MYT1: variants seen among roughly 807,000 people sequenced by gnomAD.
MYT1 encodes the protein myelin transcription factor I.
A neutral mutation model predicts 123.0 loss-of-function variants in MYT1; 23 were observed. That is an observed-to-expected ratio of 0.19 (90% CI 0.13 to 0.26). The LOEUF (loss-of-function observed/expected upper bound fraction) is 0.26, where lower values mean the gene tolerates loss of function less well. Ranked by LOEUF, MYT1 falls within the 10% of genes least tolerant of loss-of-function variation. The probability of loss-of-function intolerance (pLI) is 1.00; values close to 1 mark genes in which losing one functional copy is unlikely to be tolerated. For missense variants in MYT1, 1,125 were observed against 1,472.5 expected (o/e 0.76, Z 3.86); for synonymous variants, 518 against 575.3 (o/e 0.90, Z 1.43).
intron 19 of MYT1, 147 bp from the exon 20 acceptor site, chr20:64,236,408 C>T (rs1984546730): frequency 3.0e-6 from 2 of 656,816 alleles, no homozygotes; most frequent in Admixed American, 2.2e-5. Context: ...CCTGGGCTGG[C>T]CGTGGTGGGT....
intron 18 of MYT1, among the ~76,000 whole-genome samples, chr20:64,229,326 G>A (rs1984259430): frequency 6.6e-6 from 1 of 152,188 alleles, no homozygotes; most frequent in Non-Finnish European, 1.5e-5. Context: ...GGATCCTGCT[G>A]GCAGGGATAT....
intron 1 of MYT1, among the ~76,000 whole-genome samples, chr20:64,170,490 G>T (rs919386698): frequency 6.6e-6 from 1 of 152,078 alleles, no homozygotes; most frequent in African/African-American, 2.4e-5. Context: ...GGACACTTGT[G>T]TTGGGAAGAA....
In MYT1 at chr20:64,196,540, C is replaced by T. The variant is rs1356525484; in HGVS notation, c.1-2322C>T. On this transcript the variant is annotated intron_variant, in intron 2 of 22. Coordinates refer to ENST00000328439, the MANE Select transcript of MYT1 (RefSeq NM_004535.3). The surrounding 1 kb of genome is among the most constrained non-coding windows in gnomAD (Gnocchi z 4.3). ...AACCAGTGTCCCAAGTCACCCAGCT[C>T]TTACGGGTTCATTCTCGTATTAAAG... Among the ~76,000 whole-genome samples the T allele has an allele frequency of 1.3e-5, 2 of 152,246 alleles. No individual in the cohort carries two copies. Among genetic ancestry groups the T allele is most frequent in the African/African-American group, 4.8e-5 (2 of 41,454 alleles).
chr20:64,219,230 C>A lies in MYT1; in HGVS notation c.1971+195C>A, dbSNP rs556994199. Among the ~76,000 whole-genome samples, 3 of 152,356 alleles carry A rather than the reference C, an allele frequency of 2.0e-5. No homozygotes were observed. In the South Asian group the frequency reaches 6.2e-4, roughly 32 times the overall value. On this transcript the variant is annotated intron_variant, in intron 12 of 22. Coordinates refer to ENST00000328439, the MANE Select transcript of MYT1 (RefSeq NM_004535.3). Reference sequence around the variant, plus strand: ...GCTTGGATGGGTCCACCAGGAGAACCTGGTGTGCTGAGTGAAGGGGGACCA... The same window carrying A: ...GCTTGGATGGGTCCACCAGGAGAACATGGTGTGCTGAGTGAAGGGGGACCA...
intron 13 of MYT1, among the ~76,000 whole-genome samples, 163 bp from the exon 14 acceptor site, chr20:64,221,730 G>T (rs534029802): frequency 9.2e-5 from 14 of 152,302 alleles, no homozygotes; most frequent in African/African-American, 2.6e-4. Flanking sequence ...TCTGTGTTTT[G>T]CTGGGGGGAG....
At chr20:64,205,429 G>T in intron 5 of MYT1, 124 bp from the exon 6 acceptor site, 1 of 1,435,582 alleles carries the variant, frequency 7.0e-7, no homozygotes, top group Non-Finnish European at 9.4e-7. Flanking sequence ...CGGGTTCCCT[G>T]CAAGGACTGG....
intron 6 of MYT1, among the ~76,000 whole-genome samples, chr20:64,206,762 C>T (rs1983497401): frequency 6.6e-6 from 1 of 152,210 alleles, no homozygotes; most frequent in South Asian, 2.1e-4. Context: ...GTCTGGGGTT[C>T]AGCTGTCAAC....
intron 1 of MYT1, among the ~76,000 whole-genome samples, chr20:64,181,898 C>T (rs908161407): frequency 1.2e-4 from 18 of 152,192 alleles, no homozygotes; most frequent in African/African-American, 4.3e-4. Context: ...GCCTTACCTT[C>T]CTATGTCTGG....
rs565129907 is a variant in MYT1 at position 64,216,036 on chromosome 20, T to C, written c.1632-1031T>C. Among the ~76,000 whole-genome samples, 7 of 152,294 alleles carry C rather than the reference T, an allele frequency of 4.6e-5. No individual in the cohort carries two copies. The East Asian group carries it at 1.3e-3, about 29-fold the overall frequency. On this transcript the variant is annotated intron_variant, in intron 10 of 22. Coordinates refer to ENST00000328439, the MANE Select transcript of MYT1 (RefSeq NM_004535.3). ...ACACCCACGTCCTGGTAGTGTTCAG[T>C]TCTTCCAGGCCCATCAGAGCTGGCC... is the stretch of plus-strand genomic sequence containing the variant.
At chr20:64,209,040 C>T (rs577876463) in intron 7 of MYT1, among the ~76,000 whole-genome samples, 22 of 152,216 alleles carry the variant, frequency 1.4e-4, no homozygotes, top group Admixed American at 5.2e-4. Flanking sequence ...ATCCCCTGAT[C>T]GCACGGAGTG....
chr20:64,167,030 G>T lies in MYT1; in HGVS notation c.-99+2291G>T, dbSNP rs1402821405. 6.6e-6 allele frequency among the ~76,000 whole-genome samples: 1 copy of T among 152,120 alleles called. No individual in the cohort carries two copies. The highest frequency in any genetic ancestry group is 2.4e-5 in the African/African-American group (1 of 41,410). On this transcript the variant is annotated intron_variant, in intron 1 of 22. Coordinates refer to ENST00000328439, the MANE Select transcript of MYT1 (RefSeq NM_004535.3). This position sits in a 1 kb window ranked among gnomAD's most constrained non-coding sequence, Gnocchi z 6.3. ...CTGGCCTGGGGTCACTGAATGTGCA[G>T]ACAATGACATTTGTGGTGGTGTGGT... is the stretch of plus-strand genomic sequence containing the variant.
At chr20:64,223,816 C>T (rs902083288) in intron 16 of MYT1, among the ~76,000 whole-genome samples, 1 of 152,190 alleles carries the variant, frequency 6.6e-6, no homozygotes, top group Non-Finnish European at 1.5e-5. Context: ...GAAGAGAAAG[C>T]TCCTTCCCCT....
chr20:64,221,906 C>T lies in MYT1; in HGVS notation c.2255C>T (p.Ala752Val). 6.2e-7 allele frequency: 1 copy of T among 1,613,256 alleles called. No individual in the cohort carries two copies. Among genetic ancestry groups the T allele is most frequent in the Non-Finnish European group, 8.5e-7 (1 of 1,179,982 alleles). The change falls in exon 14 of 23, where the codon GCC becomes GTC. Residue 752 changes from alanine to valine, a missense_variant. Around this residue, in one of 4 missense-constraint regions of MYT1, gnomAD observed 429 missense variants for 604.1 expected, o/e 0.71. Coordinates refer to ENST00000328439, the MANE Select transcript of MYT1 (RefSeq NM_004535.3). ...GGTTTTTTGCAGTCAGAGCCAGCAGCCCATTCTTTTGCTTCTTCTGAAGCA... is the reference window on the plus strand; with the variant it reads ...GGTTTTTTGCAGTCAGAGCCAGCAGTCCATTCTTTTGCTTCTTCTGAAGCA... Reference protein sequence around the residue: ...EEEPEESEPAAHSFASSEADD... With the variant: ...EEEPEESEPAVHSFASSEADD...
At chr20:64,201,563 T>C (rs1411959893) in intron 4 of MYT1, among the ~76,000 whole-genome samples, 1 of 152,242 alleles carries the variant, frequency 6.6e-6, no homozygotes, top group Non-Finnish European at 1.5e-5. Flanking sequence ...TCCTGTATTC[T>C]CAAACATCTG....
intron 1 of MYT1, among the ~76,000 whole-genome samples, chr20:64,169,621 G>A (rs912821225): frequency 1.2e-4 from 19 of 152,288 alleles, no homozygotes; most frequent in African/African-American, 2.9e-4. Flanking sequence ...GTTGTCAGTC[G>A]CTCGTCAGCA....
chr20:64,221,884 T>C lies in MYT1; in HGVS notation c.2242-9T>C. On this transcript the variant is annotated splice_polypyrimidine_tract_variant and intron_variant, in intron 13 of 22. Transcript: ENST00000328439. ...CCGGTTAAAACATCTTCCTGCTGGTTTTTTGCAGTCAGAGCCAGCAGCCCA... is the reference window on the plus strand; with the variant it reads ...CCGGTTAAAACATCTTCCTGCTGGTCTTTTGCAGTCAGAGCCAGCAGCCCA... The C allele has an allele frequency of 3.1e-6, 5 of 1,612,556 alleles. No individual in the cohort carries two copies. The highest frequency in any genetic ancestry group is 4.2e-6 in the Non-Finnish European group (5 of 1,179,782).
At chr20:64,220,664 C>T (rs972655847) in intron 13 of MYT1, among the ~76,000 whole-genome samples, 9 of 152,246 alleles carry the variant, frequency 5.9e-5, no homozygotes, top group East Asian at 5.8e-4. Flanking sequence ...CGGCAGCAGC[C>T]GCGTGTGTGA....
chr20:64,239,052 C>T (rs1242795299), intron 21 of MYT1, among the ~76,000 whole-genome samples: 2 of 152,246 alleles, frequency 1.3e-5, no homozygotes, highest in African/African-American at 2.4e-5. Flanking sequence ...GTCACCCACA[C>T]TGTCTTTCTG....
At chr20:64,172,179 C>T (rs988294096) in intron 1 of MYT1, among the ~76,000 whole-genome samples, 7 of 152,136 alleles carry the variant, frequency 4.6e-5, no homozygotes, top group Admixed American at 1.3e-4. Context: ...TCCCCCCGCC[C>T]CCCACAATTT....
Sources: gnomAD v4.1 joint callset for allele counts (sites outside exome capture counted in the v4.1 genomes callset) on GRCh38, gnomAD v4.1.1 for gene constraint, gnomAD v4.1.1 regional missense constraint, Gnocchi (gnomAD v3.1) non-coding constraint, MANE v1.5 for transcripts, NCBI Gene and HGNC (gene_info 2026-07-23, HGNC 2026-07-21) for gene names.